The following DLGAP2 variants were observed in gnomAD, a reference collection of about 807,000 sequenced individuals.
DLGAP2 encodes the protein DLG associated protein 2.
A neutral mutation model predicts 100.3 loss-of-function variants in DLGAP2; 26 were observed. The ratio of observed to expected loss-of-function variants is 0.26; its 90% CI spans 0.19 to 0.36. The LOEUF (loss-of-function observed/expected upper bound fraction) is 0.36, where lower values mean the gene tolerates loss of function less well. Ranked by LOEUF, DLGAP2 falls within the 10% of genes least tolerant of loss-of-function variation. The pLI is 1.00. For synonymous variants in DLGAP2, 886 were observed against 630.1 expected, an observed-to-expected ratio of 1.41 and a Z score of -6.08; for missense variants, 1,858 against 1,453.2, an observed-to-expected ratio of 1.28 and a Z score of -4.53.
chr8:762,181 C>A (rs1317050273), intron 1 of DLGAP2, among the ~76,000 whole-genome samples: 1 of 152,122 alleles, frequency 6.6e-6, no homozygotes, highest in African/African-American at 2.4e-5. Flanking sequence ...AATGCTTGGC[C>A]CAATTAGTCC....
At chr8:957,627 A>T (rs572942659) in intron 2 of DLGAP2, among the ~76,000 whole-genome samples, 1 of 152,306 alleles carries the variant, frequency 6.6e-6, no homozygotes, top group South Asian at 2.1e-4. Flanking sequence ...TTAGTGTTGA[A>T]ATAGTCAAAT....
At chr8:1,215,736 A>G in intron 2 of DLGAP2, among the ~76,000 whole-genome samples, 1 of 73,224 alleles carries the variant, frequency 1.4e-5, no homozygotes, top group Non-Finnish European at 2.5e-5. Flanking sequence ...CATCACCTGG[A>G]GACGTCCAGG....
intron 2 of DLGAP2, among the ~76,000 whole-genome samples, chr8:1,077,441 C>T (rs906888653): frequency 2.6e-5 from 4 of 152,166 alleles, no homozygotes; most frequent in African/African-American, 9.7e-5. Flanking sequence ...AGGGCCTCAG[C>T]TTCTAAAGTG....
chr8:831,378 G>A (rs771796760), intron 1 of DLGAP2, among the ~76,000 whole-genome samples: 3 of 151,718 alleles, frequency 2.0e-5, no homozygotes, highest in Non-Finnish European at 4.4e-5. Flanking sequence ...CCCCCATCCC[G>A]CAACAGGCCC....
At chr8:800,734 A>T (rs190501325) in intron 1 of DLGAP2, among the ~76,000 whole-genome samples, 2 of 151,786 alleles carry the variant, frequency 1.3e-5, no homozygotes, top group Admixed American at 6.6e-5. Context: ...GTTTGTGTGT[A>T]TGTGTATGTG....
chr8:972,608 A>G (rs114279738), intron 2 of DLGAP2, among the ~76,000 whole-genome samples: 1 of 149,214 alleles, frequency 6.7e-6, no homozygotes, highest in South Asian at 2.1e-4. Flanking sequence ...TTTTTTTTGT[A>G]TTTTTTTCTT....
chr8:1,077,781 T>C (rs568544378), intron 2 of DLGAP2, among the ~76,000 whole-genome samples: 1 of 152,226 alleles, frequency 6.6e-6, no homozygotes, highest in African/African-American at 2.4e-5. Flanking sequence ...GCATAGTTTA[T>C]CAAACTCCCC....
At chr8:1,114,153 A>G (rs757035398) in intron 2 of DLGAP2, among the ~76,000 whole-genome samples, 1 of 152,000 alleles carries the variant, frequency 6.6e-6, no homozygotes, top group Non-Finnish European at 1.5e-5. Flanking sequence ...ATTGGCCTGA[A>G]GTTTTCTTTT....
chr8:1,080,759 G>A (rs1159040189), intron 2 of DLGAP2, among the ~76,000 whole-genome samples: 1 of 152,172 alleles, frequency 6.6e-6, no homozygotes, highest in Non-Finnish European at 1.5e-5. Context: ...TGAGTCCTGT[G>A]CACTAATATA....
intron 2 of DLGAP2, among the ~76,000 whole-genome samples, chr8:949,080 C>G (rs907272576): frequency 6.6e-6 from 1 of 152,196 alleles, no homozygotes; most frequent in South Asian, 2.1e-4. Flanking sequence ...CTGCCGCCGT[C>G]TTGAGGGGAT....
At chr8:1,178,716 G>C (rs1797314150) in intron 2 of DLGAP2, among the ~76,000 whole-genome samples, 1 of 152,072 alleles carries the variant, frequency 6.6e-6, no homozygotes, top group Non-Finnish European at 1.5e-5. Flanking sequence ...GCAACTGCTG[G>C]GCAGTGCTTT....
chr8:1,699,907 A>G (rs1453073845), intron 14 of DLGAP2, among the ~76,000 whole-genome samples: 1 of 152,236 alleles, frequency 6.6e-6, no homozygotes, highest in Admixed American at 6.5e-5. Context: ...CCAAAAGAGG[A>G]AACAGATCCT....
At chr8:870,774 G>A (rs745448978) in intron 1 of DLGAP2, among the ~76,000 whole-genome samples, 10 of 151,960 alleles carry the variant, frequency 6.6e-5, no homozygotes, top group African/African-American at 9.7e-5. Context: ...GCATGTCTTC[G>A]TGCCCTGGTG....
intron 3 of DLGAP2, among the ~76,000 whole-genome samples, chr8:1,305,972 A>G (rs757643493): frequency 1.3e-5 from 2 of 151,716 alleles, no homozygotes; most frequent in African/African-American, 2.4e-5. Flanking sequence ...TAATTTTTGC[A>G]TGTAATTTTA....
chr8:1,199,387 A>G (rs981359900), intron 2 of DLGAP2, among the ~76,000 whole-genome samples: 1 of 152,198 alleles, frequency 6.6e-6, no homozygotes, highest in African/African-American at 2.4e-5. Context: ...AGAAAAATAG[A>G]TTCCAGGATT....
At chr8:1,427,428 C>G (rs1563140116) in intron 3 of DLGAP2, among the ~76,000 whole-genome samples, 1 of 152,154 alleles carries the variant, frequency 6.6e-6, no homozygotes, top group Non-Finnish European at 1.5e-5. Context: ...TGGCTACTCC[C>G]TCATAATGTA....
At chr8:1,594,659 A>G (rs2957051) in intron 6 of DLGAP2, among the ~76,000 whole-genome samples, 47,018 of 152,012 alleles carry the variant, frequency 0.31, 7,658 homozygotes, top group East Asian at 0.51. Context: ...CCTGACCTCA[A>G]GTGATCTGCC....
intron 8 of DLGAP2, among the ~76,000 whole-genome samples, chr8:1,652,239 C>T (rs942006540): frequency 2.6e-5 from 4 of 152,144 alleles, no homozygotes; most frequent in African/African-American, 9.7e-5. Context: ...TAATGACATT[C>T]CTCCTGGAGT....
intron 1 of DLGAP2, among the ~76,000 whole-genome samples, chr8:849,357 A>G (rs939707209): frequency 1.3e-5 from 2 of 152,252 alleles, no homozygotes; most frequent in East Asian, 1.9e-4. Context: ...TGCTGAAAGC[A>G]CTGGAGCTGT....
Sources: allele counts gnomAD v4.1 joint callset (sites outside exome capture counted in the v4.1 genomes callset), GRCh38; gene constraint gnomAD v4.1.1; transcripts MANE v1.5; gene names NCBI Gene and HGNC (gene_info 2026-07-23, HGNC 2026-07-21).